The following EFCAB12 variants were observed in gnomAD, a reference collection of about 807,000 sequenced individuals.
The protein encoded by EFCAB12 is EF-hand calcium-binding domain-containing protein 12.
A neutral mutation model predicts 53.6 loss-of-function variants in EFCAB12; 43 were observed. That is an observed-to-expected ratio of 0.80 (90% confidence interval 0.63 to 1.03). The LOEUF is 1.03. Ranked by LOEUF, EFCAB12 falls within the 50% of genes least tolerant of loss-of-function variation. The pLI is 0.00. For missense variants in EFCAB12, 646 were observed against 730.6 expected, an observed-to-expected ratio of 0.88 and a Z score of 1.34; for synonymous variants, 269 against 289.2, an observed-to-expected ratio of 0.93 and a Z score of 0.71.
chr3:129,408,007 C>T (rs1243900563), intron 6 of EFCAB12, among the ~76,000 whole-genome samples: 1 of 152,184 alleles, frequency 6.6e-6, no homozygotes, highest in Non-Finnish European at 1.5e-5. Context: ...TCTCCGCTCC[C>T]ACATATTAGA....
At chr3:129,422,617 T>A (rs2107742418) in intron 1 of EFCAB12, among the ~76,000 whole-genome samples, 1 of 152,226 alleles carries the variant, frequency 6.6e-6, no homozygotes, top group Admixed American at 6.5e-5. Context: ...CCAGGTCCCA[T>A]CTTTGCATCA....
Position 129,418,318 on chromosome 3 carries a change from T to C in EFCAB12, c.617A>G (p.His206Arg). 1 of 1,613,642 alleles carries C rather than the reference T, an allele frequency of 6.2e-7. No homozygotes were observed. The highest frequency in any genetic ancestry group is 8.5e-7 in the Non-Finnish European group (1 of 1,179,656). The stretch of plus-strand genomic sequence containing the variant: ...CTGGTTCTCACCCTGGCCCACCTTG[T>C]GAAATATCTCCAGGATCTTGATCTT... Reference protein sequence around the residue: ...SRKIKILEIFHKVGQGENQRI... With the variant: ...SRKIKILEIFRKVGQGENQRI... The change falls in exon 3 of 9, where the codon CAC becomes CGC. Residue 206 changes from histidine (H) to arginine (R), a missense_variant. Physicochemically the swap from His to Arg is conservative, Grantham distance 29. Coordinates refer to ENST00000505956, the MANE Select transcript of EFCAB12 (RefSeq NM_207307.3).
intron 2 of EFCAB12, among the ~76,000 whole-genome samples, chr3:129,419,552 A>G (rs995867530): frequency 3.3e-5 from 5 of 152,234 alleles, no homozygotes; most frequent in African/African-American, 1.2e-4. Flanking sequence ...GCTCGTTATC[A>G]TGAATGGGAT....
At chr3:129,402,423 C>T (rs1293096447) in intron 8 of EFCAB12, 100 bp downstream of exon 8, 4 of 1,341,954 alleles carry the variant, frequency 3.0e-6, no homozygotes, top group Admixed American at 2.0e-5. Context: ...GGCACCGAGC[C>T]CCAGCTGTTG....
intron 4 of EFCAB12, chr3:129,412,145 T>C (rs1311330139): frequency 2.0e-5 from 3 of 151,882 alleles, no homozygotes; most frequent in Non-Finnish European, 4.4e-5. Flanking sequence ...GAGGTGGAGG[T>C]TGCAGTGAGA....
At chr3:129,428,303 T>C in intron 1 of EFCAB12, 137 bp downstream of exon 1, 1 of 1,202,200 alleles carries the variant, frequency 8.3e-7, no homozygotes. Context: ...GTACATGACC[T>C]GCCCCCGACT....
chr3:129,405,471 T>G (rs1014015244), intron 6 of EFCAB12, among the ~76,000 whole-genome samples: 1 of 152,208 alleles, frequency 6.6e-6, no homozygotes, highest in African/African-American at 2.4e-5. Context: ...TAAATAATTT[T>G]CTGTAAATGG....
intron 1 of EFCAB12, among the ~76,000 whole-genome samples, chr3:129,422,907 G>A (rs1204386670): frequency 1.3e-5 from 2 of 152,110 alleles, no homozygotes; most frequent in African/African-American, 2.4e-5. Flanking sequence ...TTTGGTTCAT[G>A]TTTATTTTTT....
intron 1 of EFCAB12, among the ~76,000 whole-genome samples, chr3:129,426,373 T>G (rs989121763): frequency 3.4e-5 from 5 of 145,340 alleles, no homozygotes; most frequent in Non-Finnish European, 7.6e-5. Flanking sequence ...TTTTTTTTTT[T>G]TTTTTTTTTG....
chr3:129,427,705 C>G (rs2072290085), intron 1 of EFCAB12, among the ~76,000 whole-genome samples: 1 of 152,186 alleles, frequency 6.6e-6, no homozygotes, highest in Non-Finnish European at 1.5e-5. Context: ...CTCCCCACAC[C>G]AACATTCTGA....
intron 7 of EFCAB12, 43 bp from the exon 8 acceptor site, chr3:129,402,622 C>T: frequency 6.3e-7 from 1 of 1,594,506 alleles, no homozygotes; most frequent in Non-Finnish European, 8.6e-7. Flanking sequence ...GAGTGGAAAT[C>T]CAGGCCAATG....
chr3:129,424,565 A>G (rs1334940361), intron 1 of EFCAB12, among the ~76,000 whole-genome samples: 1 of 152,252 alleles, frequency 6.6e-6, no homozygotes, highest in Non-Finnish European at 1.5e-5. Flanking sequence ...TGAGTCAATT[A>G]AACCTCATCT....
At chr3:129,427,284 C>A (rs918576429) in intron 1 of EFCAB12, among the ~76,000 whole-genome samples, 1 of 152,160 alleles carries the variant, frequency 6.6e-6, no homozygotes, top group Non-Finnish European at 1.5e-5. Flanking sequence ...GATACTGTGC[C>A]CAGCTACTGA....
Position 129,402,455 on chromosome 3 carries a change from G to A in EFCAB12, c.1460+68C>T, listed in dbSNP as rs140301009. 1.6e-4 allele frequency: 238 copies of A among 1,531,746 alleles called. No individual in the cohort carries two copies. The African/African-American group carries it at 2.7e-3, about 17-fold the overall frequency. The allele number at this position is 1,531,746 out of a possible 1,614,324, so 94.9% of individuals were successfully genotyped here. ...GTTGTGCCAGGAGTGCAGAGTCCCA[G>A]TTGTCTCAGGCGAAGCTGCCCCTCC... On this transcript the variant is annotated intron_variant, in intron 8 of 8. Transcript: ENST00000505956.
chr3:129,402,853 G>C lies in EFCAB12; in HGVS notation c.1404-274C>G. On this transcript the variant is annotated intron_variant, in intron 7 of 8. Coordinates refer to ENST00000505956, the MANE Select transcript of EFCAB12 (RefSeq NM_207307.3). ...CCTTTCTCATCCTTGGTTTTCTCAT[G>C]GTCCAGAATAGAGACCTCTCAGGGT... The C allele has an allele frequency of 7.0e-6, 3 of 427,730 alleles. No individual in the cohort carries two copies. In the South Asian group the frequency reaches 7.3e-5, roughly 10 times the overall value. 26.5% of individuals were successfully genotyped at this position (427,730 alleles called of 1,614,324 possible).
At chr3:129,404,484 G>GT (rs200388634) in intron 6 of EFCAB12, 81 bp from the exon 7 acceptor site, 100,413 of 1,016,220 alleles carry the variant, frequency 0.099, 1,183 homozygotes, top group East Asian at 0.36. Flanking sequence ...CAGAGGAGGT[G>GT]TTTTTTTTTT....
chr3:129,401,591 C>G lies in EFCAB12; in HGVS notation c.*2G>C. The G allele has an allele frequency of 6.5e-7, 1 of 1,531,484 alleles. No individual in the cohort carries two copies. The highest frequency in any genetic ancestry group is 8.8e-7 in the Non-Finnish European group (1 of 1,131,990). The allele number at this position is 1,531,484 out of a possible 1,614,324, so 94.9% of individuals were successfully genotyped here. A position where few individuals can be genotyped will look rare whatever the true frequency, so the allele number is the denominator to read the frequency against. Reference sequence around the variant, plus strand: ...GCTGGGTCCGGCAACACCTGGCTAGCTCTAGTTGATGTAGTACACCTTGGC... The same window carrying G: ...GCTGGGTCCGGCAACACCTGGCTAGGTCTAGTTGATGTAGTACACCTTGGC... On this transcript the variant is annotated 3_prime_UTR_variant, in exon 9 of 9. Coordinates refer to ENST00000505956, the MANE Select transcript of EFCAB12 (RefSeq NM_207307.3).
In EFCAB12 at chr3:129,418,369, A is replaced by G; in HGVS notation, c.566T>C (p.Val189Ala). The change falls in exon 3 of 9, where the codon GTC (valine) becomes GCC (alanine). Residue 189 changes from valine to alanine, a missense_variant. By Grantham distance (64) the Val-to-Ala change is moderately conservative (BLOSUM62 0). Coordinates refer to ENST00000505956, the MANE Select transcript of EFCAB12 (RefSeq NM_207307.3). ...LQLPEPPALS[V>A]MYSYLHSRKI... ...GCGGCTATGCAGGTAGGAGTACATG[A>G]CCGACAGGGCAGGGGGCTCGGGCAG... 1 of 1,613,722 alleles carries G rather than the reference A, an allele frequency of 6.2e-7. No individual in the cohort carries two copies. The highest frequency in any genetic ancestry group is 1.1e-5 in the South Asian group (1 of 91,018).
rs2072193463 is a variant in EFCAB12 at position 129,421,804 on chromosome 3, C to T, written c.50-1G>A. 6 of 1,609,208 alleles carry T rather than the reference C, an allele frequency of 3.7e-6. No individual in the cohort carries two copies. Among genetic ancestry groups the T allele is most frequent in the Non-Finnish European group, 4.2e-6 (5 of 1,177,230 alleles). ...ATGGGAGTCTTAGACGGGCAGAGTC[C>T]TTGGGGTAAGAGAGTTAAAAGATGA... On this transcript the variant is annotated splice_acceptor_variant, in intron 1 of 8. Transcript: ENST00000505956. LOFTEE classifies it high-confidence loss of function.
Sources: gnomAD v4.1 joint callset for allele counts (sites outside exome capture counted in the v4.1 genomes callset) on GRCh38, gnomAD v4.1.1 for gene constraint, MANE v1.5 for transcripts, NCBI Gene and HGNC (gene_info 2026-07-23, HGNC 2026-07-21) for gene names.